PHACTR1: variants seen among roughly 807,000 people sequenced by gnomAD.
The protein encoded by PHACTR1 is RPEL repeat containing 1.
PHACTR1 carries 16 observed loss-of-function variants against 69.2 expected under a neutral mutation model. The observed-to-expected ratio is 0.23, with a 90% CI of 0.16 to 0.35. PHACTR1 has a LOEUF of 0.35. Among genes scored for constraint, PHACTR1 ranks in the 10% least tolerant of loss-of-function variants. PHACTR1 has a pLI of 1.00. For missense variants in PHACTR1, 510 were observed against 734.7 expected, an observed-to-expected ratio of 0.69 and a Z score of 3.54; for synonymous variants, 312 against 284.5, an observed-to-expected ratio of 1.10 and a Z score of -0.97.
At chr6:13,166,283 A>G (rs1361477955) in intron 6 of PHACTR1, among the ~76,000 whole-genome samples, 1 of 151,886 alleles carries the variant, frequency 6.6e-6, no homozygotes, top group East Asian at 1.9e-4. Flanking sequence ...TTTTTCTTCT[A>G]TCTCTTATCA....
At chr6:13,144,770 CAG>C (rs748839478) in intron 5 of PHACTR1, among the ~76,000 whole-genome samples, 803 of 17,344 alleles carry the variant, frequency 0.046, 79 homozygotes, top group African/African-American at 0.073. Flanking sequence ...GACCCTGTCT[CAG>C]AAAAAAAAAA....
intron 4 of PHACTR1, among the ~76,000 whole-genome samples, chr6:12,902,606 TCAC>T (rs1310410218): frequency 6.6e-6 from 1 of 152,192 alleles, no homozygotes; most frequent in Non-Finnish European, 1.5e-5. Flanking sequence ...CTCTGTGGTA[TCAC>T]TTTTCTCCAC....
chr6:13,086,919 G>C (rs1812409128), intron 5 of PHACTR1, among the ~76,000 whole-genome samples: 1 of 151,920 alleles, frequency 6.6e-6, no homozygotes, highest in Non-Finnish European at 1.5e-5. Flanking sequence ...CTGTATTCTT[G>C]TCAACACTTG....
rs182003362 is a variant in PHACTR1, at chr6:12,910,682, G to A, written c.251-142683G>A. ...TCCCCTTTTGTCAGTAATAGCCGCC[G>A]TCTACTGGATGCCCACTATGAGCAG... On this transcript the variant is annotated intron_variant, in intron 4 of 14. Transcript: ENST00000332995. Among the ~76,000 whole-genome samples the A allele has an allele frequency of 2.4e-3, 370 of 152,246 alleles. 2 individuals are homozygous for A. The highest frequency in any genetic ancestry group is 8.3e-3 in the African/African-American group (343 of 41,544).
At chr6:12,736,696 C>A (rs1250240159) in intron 3 of PHACTR1, among the ~76,000 whole-genome samples, 1 of 152,122 alleles carries the variant, frequency 6.6e-6, no homozygotes, top group East Asian at 1.9e-4. Context: ...TTTTTACAAT[C>A]ACTTTTTAAC....
chr6:12,998,813 T>C (rs1797748187), intron 4 of PHACTR1, among the ~76,000 whole-genome samples: 1 of 151,276 alleles, frequency 6.6e-6, no homozygotes, highest in South Asian at 2.1e-4. Context: ...TATAAATCAA[T>C]GAGAAAAAAA....
chr6:13,059,647 AGTT>A (rs757960751), intron 5 of PHACTR1, among the ~76,000 whole-genome samples: 6 of 152,172 alleles, frequency 3.9e-5, no homozygotes, highest in Non-Finnish European at 8.8e-5. Flanking sequence ...ACCTCAATAA[AGTT>A]GACAATTTTT....
chr6:13,153,523 T>C (rs1399526582), intron 5 of PHACTR1, among the ~76,000 whole-genome samples: 1 of 152,232 alleles, frequency 6.6e-6, no homozygotes, highest in Non-Finnish European at 1.5e-5. Flanking sequence ...GTCTTCAGGC[T>C]TCTCATATGT....
chr6:13,204,345 C>T (rs1029598966), intron 7 of PHACTR1, among the ~76,000 whole-genome samples: 3 of 152,044 alleles, frequency 2.0e-5, no homozygotes, highest in African/African-American at 4.8e-5. Flanking sequence ...CTATGGCCTC[C>T]GAGATGGAGA....
intron 4 of PHACTR1, among the ~76,000 whole-genome samples, chr6:12,915,505 T>TA: frequency 1.1e-5 from 1 of 88,272 alleles, no homozygotes; most frequent in Admixed American, 1.6e-4. Context: ...AAACTCTCTC[T>TA]CAAAAAAAAA....
intron 4 of PHACTR1, among the ~76,000 whole-genome samples, chr6:12,803,531 ACTT>A (rs1316953958): frequency 6.6e-6 from 1 of 152,222 alleles, no homozygotes; most frequent in Non-Finnish European, 1.5e-5. Context: ...CTTACACTAT[ACTT>A]CTTGCACTCT....
chr6:13,206,206 G>A (rs557890717), intron 8 of PHACTR1, 70 bp downstream of exon 8: 7 of 1,405,838 alleles, frequency 5.0e-6, no homozygotes, highest in African/African-American at 1.4e-5. Flanking sequence ...TAGGGATTTG[G>A]ACCATGACTT....
At chr6:13,194,316 T>A (rs2113798925) in intron 7 of PHACTR1, among the ~76,000 whole-genome samples, 1 of 151,468 alleles carries the variant, frequency 6.6e-6, no homozygotes, top group South Asian at 2.1e-4. Context: ...GGCAGGAGAA[T>A]TGCTTGAACC....
intron 5 of PHACTR1, among the ~76,000 whole-genome samples, chr6:13,092,927 A>G (rs1380921745): frequency 2.0e-5 from 3 of 152,218 alleles, no homozygotes; most frequent in Non-Finnish European, 4.4e-5. Context: ...TATATTTTTG[A>G]AAGTTTTTAT....
chr6:12,828,877 A>C (rs1486166830), intron 4 of PHACTR1, among the ~76,000 whole-genome samples: 7 of 152,104 alleles, frequency 4.6e-5, no homozygotes, highest in Non-Finnish European at 8.8e-5. Context: ...GCTGGATAGG[A>C]GGAATAAGTT....
intron 6 of PHACTR1, among the ~76,000 whole-genome samples, chr6:13,182,005 G>A (rs1762239672): frequency 6.6e-6 from 1 of 152,170 alleles, no homozygotes; most frequent in Non-Finnish European, 1.5e-5. Flanking sequence ...AGGCCCAGGT[G>A]GGCGGATCAC....
chr6:12,891,393 G>T (rs1262354734), intron 4 of PHACTR1, among the ~76,000 whole-genome samples: 1 of 152,110 alleles, frequency 6.6e-6, no homozygotes, highest in Non-Finnish European at 1.5e-5. Flanking sequence ...ATACAAAGGA[G>T]ACCTCCCTAA....
chr6:12,957,205 ATT>A (rs1791996784), intron 4 of PHACTR1: 2 of 261,408 alleles, frequency 7.7e-6, no homozygotes, highest in Non-Finnish European at 1.2e-5. Context: ...TCACTGAGTA[ATT>A]CCCTGCAGAA....
At chr6:13,132,209 A>G (rs111882694) in intron 5 of PHACTR1, among the ~76,000 whole-genome samples, 1,943 of 152,302 alleles carry the variant, frequency 0.013, 37 homozygotes, top group African/African-American at 0.042. Flanking sequence ...TCTTTGTTCT[A>G]GTTCTGATGA....
Sources: gnomAD v4.1 joint callset for allele counts (sites outside exome capture counted in the v4.1 genomes callset) on GRCh38, gnomAD v4.1.1 for gene constraint, MANE v1.5 for transcripts, NCBI Gene and HGNC (gene_info 2026-07-23, HGNC 2026-07-21) for gene names.